ADAM9: variants seen among roughly 807,000 people sequenced by gnomAD.
The protein encoded by ADAM9 is ADAM metallopeptidase domain 9.
In ADAM9, 54 loss-of-function variants were observed where a neutral mutation model predicts 108.1. The ratio of observed to expected loss-of-function variants is 0.50; its 90% confidence interval spans 0.40 to 0.63. ADAM9 has a LOEUF of 0.63. Among genes scored for constraint, ADAM9 ranks in the 20% least tolerant of loss-of-function variants. The pLI, the probability that ADAM9 is intolerant of heterozygous loss-of-function variation, is 0.00. For missense variants in ADAM9, 830 were observed against 997.7 expected (o/e 0.83, Z 2.26); for synonymous variants, 316 against 336.0 (o/e 0.94, Z 0.65).
At chr8:39,016,872 C>G (rs1050053069) in intron 5 of ADAM9, among the ~76,000 whole-genome samples, 3 of 152,186 alleles carry the variant, frequency 2.0e-5, no homozygotes, top group African/African-American at 7.2e-5. Context: ...AGGTTAAATA[C>G]CTCGCTGAGA....
chr8:39,022,994 T>C (rs544270787), intron 8 of ADAM9, among the ~76,000 whole-genome samples, 162 bp from the exon 9 acceptor site: 1 of 152,238 alleles, frequency 6.6e-6, no homozygotes, highest in Non-Finnish European at 1.5e-5. Context: ...ATTACAGGCG[T>C]GAGCCACTGC....
chr8:39,045,463 C>T (rs1467868414), intron 12 of ADAM9, among the ~76,000 whole-genome samples: 4 of 143,314 alleles, frequency 2.8e-5, no homozygotes, highest in South Asian at 2.2e-4. Context: ...CCTATATGTG[C>T]GTGTGTGTAC....
rs751801807 is a variant in ADAM9 at position 39,055,596 on chromosome 8, T to C, written c.1415T>C (p.Leu472Ser). The change falls in exon 14 of 22, where the codon TTA becomes TCA. Residue 472 changes from leucine (L) to serine (S), a missense_variant. Transcript: ENST00000487273. Reference protein sequence around the residue: ...KDCRFLPGGTLCRGKTSECDV... With the variant: ...KDCRFLPGGTSCRGKTSECDV... The stretch of plus-strand genomic sequence containing the variant: ...CACTAGTTCCTTCCAGGAGGTACTT[T>C]ATGCCGAGGAAAAACCAGTGAGTGT... 4 of 1,613,708 alleles carry C rather than the reference T, an allele frequency of 2.5e-6. No homozygotes were observed. The highest frequency in any genetic ancestry group is 3.4e-6 in the Non-Finnish European group (4 of 1,179,680).
At chr8:39,013,867 A>C (rs1158012294) in intron 3 of ADAM9, 98 bp from the exon 4 acceptor site, 1 of 935,054 alleles carries the variant, frequency 1.1e-6, no homozygotes, top group Non-Finnish European at 1.7e-6. Flanking sequence ...GTTCTTATTT[A>C]CTCCTGCTTG....
At chr8:39,052,923 G>A (rs936856379) in intron 12 of ADAM9, among the ~76,000 whole-genome samples, 1 of 152,178 alleles carries the variant, frequency 6.6e-6, no homozygotes, top group Non-Finnish European at 1.5e-5. Flanking sequence ...GTTTTCTAAA[G>A]TGATTGTTCC....
In ADAM9 at chr8:38,999,454, T is replaced by A. The variant is rs930120105; in HGVS notation, c.97+2294T>A. On this transcript the variant is annotated intron_variant, in intron 1 of 21. Coordinates refer to ENST00000487273, the MANE Select transcript of ADAM9 (RefSeq NM_003816.3). ...GAGGAACAGATTTAGAATTTTTTTT[T>A]AAACAAAGACTGGCATTCTAAAGAA... Among the ~76,000 whole-genome samples the A allele has an allele frequency of 2.0e-5, 3 of 152,126 alleles. No homozygotes were observed. In the South Asian group the frequency reaches 6.2e-4, roughly 31 times the overall value.
At chr8:39,055,026 A>G (rs958893006) in intron 13 of ADAM9, among the ~76,000 whole-genome samples, 23 of 152,260 alleles carry the variant, frequency 1.5e-4, no homozygotes, top group African/African-American at 5.3e-4. Flanking sequence ...ATATGACACC[A>G]TGGACTTTTT....
chr8:39,088,939 T>C (rs899633063), intron 18 of ADAM9, among the ~76,000 whole-genome samples: 1 of 151,392 alleles, frequency 6.6e-6, no homozygotes, highest in Non-Finnish European at 1.5e-5. Context: ...CAGAAAAAAA[T>C]AAATAATGTT....
intron 4 of ADAM9, chr8:39,014,785 G>T: frequency 2.2e-6 from 1 of 447,232 alleles, no homozygotes; most frequent in Non-Finnish European, 3.9e-6. Flanking sequence ...TGTTGGTAGC[G>T]CACTTTTGCA....
Position 39,104,228 on chromosome 8 carries a change from A to G in ADAM9, c.*528A>G. The stretch of plus-strand genomic sequence containing the variant: ...ATCTTGTCTGTCACTCACTACATGA[A>G]TAAGCAAATATTGTCTTCAAAAGAA... On this transcript the variant is annotated 3_prime_UTR_variant, in exon 22 of 22. Coordinates refer to ENST00000487273, the MANE Select transcript of ADAM9 (RefSeq NM_003816.3). 2 of 453,966 alleles carry G rather than the reference A, an allele frequency of 4.4e-6. No individual in the cohort carries two copies. The highest frequency in any genetic ancestry group is 8.8e-6 in the Non-Finnish European group (2 of 226,726). The allele number at this position is 453,966 out of a possible 1,614,324, so 28.1% of individuals were successfully genotyped here.
At chr8:39,059,470 G>A (rs1175505177) in intron 14 of ADAM9, among the ~76,000 whole-genome samples, 2 of 152,202 alleles carry the variant, frequency 1.3e-5, no homozygotes, top group Non-Finnish European at 2.9e-5. Flanking sequence ...CTGAGCCCAC[G>A]CATCGCCTCC....
chr8:39,029,673 G>A (rs10809000), intron 11 of ADAM9, among the ~76,000 whole-genome samples: 64,581 of 152,036 alleles, frequency 0.42, 14,540 homozygotes, highest in East Asian at 0.73. Context: ...TTCTGTTAAC[G>A]TGGTGTTAAT....
chr8:39,030,972 G>C (rs1268377999), intron 11 of ADAM9, among the ~76,000 whole-genome samples: 1 of 152,068 alleles, frequency 6.6e-6, no homozygotes, highest in East Asian at 1.9e-4. Flanking sequence ...TGCATACTTT[G>C]GATAAGAGTC....
chr8:39,096,651 T>G (rs1432808767), intron 20 of ADAM9, among the ~76,000 whole-genome samples: 5 of 152,210 alleles, frequency 3.3e-5, no homozygotes, highest in Admixed American at 3.3e-4. Flanking sequence ...CATATGGTTT[T>G]GTGTTGCTAT....
intron 2 of ADAM9, 79 bp from the exon 3 acceptor site, chr8:39,011,579 C>G: frequency 7.6e-7 from 1 of 1,314,376 alleles, no homozygotes; most frequent in Non-Finnish European, 1.1e-6. Context: ...ATGGAATTTC[C>G]TGCATCTTAT....
intron 14 of ADAM9, among the ~76,000 whole-genome samples, chr8:39,064,082 C>G (rs548732914): frequency 1.3e-5 from 2 of 152,302 alleles, no homozygotes; most frequent in Admixed American, 1.3e-4. Context: ...CAGGCAATCT[C>G]ATACTGTTAG....
chr8:39,014,470 G>A (rs369082153), intron 4 of ADAM9: 1 of 672,232 alleles, frequency 1.5e-6, no homozygotes, highest in Non-Finnish European at 2.7e-6. Flanking sequence ...AATTTTTTCT[G>A]AAAATAATTG....
chr8:39,029,566 C>T (rs1231829396), intron 11 of ADAM9, among the ~76,000 whole-genome samples: 2 of 152,050 alleles, frequency 1.3e-5, no homozygotes, highest in African/African-American at 2.4e-5. Flanking sequence ...TTTCCCTCTT[C>T]CTAGTTTGTT....
intron 15 of ADAM9, among the ~76,000 whole-genome samples, chr8:39,075,112 G>T (rs1838813788): frequency 6.6e-6 from 1 of 151,850 alleles, no homozygotes; most frequent in African/African-American, 2.4e-5. Flanking sequence ...TCCCTATGTT[G>T]GCCAGGCTGG....
Sources: allele counts gnomAD v4.1 joint callset (sites outside exome capture counted in the v4.1 genomes callset), GRCh38; gene constraint gnomAD v4.1.1; transcripts MANE v1.5; gene names NCBI Gene and HGNC (gene_info 2026-07-23, HGNC 2026-07-21).